The following SGCZ variants were observed in gnomAD, a reference collection of about 807,000 sequenced individuals.
The protein encoded by SGCZ is sarcoglycan zeta.
Under a neutral mutation model 41.3 loss-of-function variants are expected in SGCZ, and 40 were observed. That is an observed-to-expected ratio of 0.97 (90% CI 0.75 to 1.26). SGCZ has a LOEUF of 1.26. Ranked by LOEUF, SGCZ falls within the 50% of genes most tolerant of loss-of-function variation. SGCZ has a pLI of 0.00. For synonymous variants in SGCZ, 206 were observed against 137.5 expected, an observed-to-expected ratio of 1.50 and a Z score of -3.49; for missense variants, 552 against 369.8, an observed-to-expected ratio of 1.49 and a Z score of -4.04.
chr8:14,793,620 G>T (rs1216122411), intron 1 of SGCZ, among the ~76,000 whole-genome samples: 1 of 152,106 alleles, frequency 6.6e-6, no homozygotes, highest in Non-Finnish European at 1.5e-5. Flanking sequence ...TCCTCAAAAT[G>T]TCTGAGATTT....
intron 1 of SGCZ, among the ~76,000 whole-genome samples, chr8:15,093,651 G>C (rs1350990449): frequency 2.0e-5 from 3 of 152,132 alleles, no homozygotes; most frequent in African/African-American, 7.2e-5. Context: ...GGGAATGGTA[G>C]AACATCAACA....
At chr8:15,133,953 T>C (rs1344963929) in intron 1 of SGCZ, among the ~76,000 whole-genome samples, 2 of 152,200 alleles carry the variant, frequency 1.3e-5, no homozygotes, top group African/African-American at 4.8e-5. Flanking sequence ...CTGTTTTTAA[T>C]ATTATCAATG....
intron 1 of SGCZ, among the ~76,000 whole-genome samples, chr8:15,211,693 T>C (rs1395844408): frequency 1.3e-5 from 2 of 152,176 alleles, no homozygotes; most frequent in Admixed American, 1.3e-4. Flanking sequence ...CGCCCGCCTA[T>C]GAATGGGACT....
In SGCZ at chr8:14,556,632, C is replaced by G. The variant is rs554656509; in HGVS notation, c.40-1706G>C. On this transcript the variant is annotated intron_variant, in intron 1 of 7. Transcript: ENST00000382080. ...AGTGCCCAAAGTCCATTGTGTCATT[C>G]TTATTCCTTTGTATCCTCACAGCTT... Among the ~76,000 whole-genome samples, 510 of 152,126 alleles carry G rather than the reference C, an allele frequency of 3.4e-3. 3 individuals carry two copies. The highest frequency in any genetic ancestry group is 0.012 in the African/African-American group (494 of 41,548).
chr8:15,152,519 G>A (rs1799207875), intron 1 of SGCZ, among the ~76,000 whole-genome samples: 2 of 152,196 alleles, frequency 1.3e-5, no homozygotes, highest in Admixed American at 1.3e-4. Flanking sequence ...AACTACAGAT[G>A]TCAAAACAGG....
intron 1 of SGCZ, among the ~76,000 whole-genome samples, chr8:15,143,697 A>T (rs1435006949): frequency 6.6e-6 from 1 of 152,132 alleles, no homozygotes; most frequent in Non-Finnish European, 1.5e-5. Flanking sequence ...TGCATCTCTA[A>T]AGTAAGGTAG....
intron 1 of SGCZ, among the ~76,000 whole-genome samples, chr8:14,660,117 G>A (rs948428130): frequency 2.0e-5 from 3 of 152,052 alleles, no homozygotes; most frequent in Non-Finnish European, 2.9e-5. Flanking sequence ...CCAGAACCAC[G>A]AGACAACAAG....
intron 1 of SGCZ, among the ~76,000 whole-genome samples, chr8:15,069,924 G>T (rs1425748314): frequency 6.6e-6 from 1 of 151,294 alleles, no homozygotes; most frequent in Non-Finnish European, 1.5e-5. Flanking sequence ...TATCTATTAG[G>T]CACAGACACA....
intron 4 of SGCZ, among the ~76,000 whole-genome samples, chr8:14,188,475 A>G (rs1394319022): frequency 2.0e-5 from 3 of 152,192 alleles, no homozygotes; most frequent in African/African-American, 7.2e-5. Context: ...GGTTATATTT[A>G]TATTAAATGC....
At chr8:14,946,327 C>T (rs889155856) in intron 1 of SGCZ, among the ~76,000 whole-genome samples, 3 of 151,454 alleles carry the variant, frequency 2.0e-5, no homozygotes, top group Non-Finnish European at 4.4e-5. Flanking sequence ...CTGCTAGTCT[C>T]GGAGTGGCCA....
At chr8:15,071,929 G>GCAGA (rs2131029360) in intron 1 of SGCZ, among the ~76,000 whole-genome samples, 1 of 152,254 alleles carries the variant, frequency 6.6e-6, no homozygotes, top group East Asian at 1.9e-4. Flanking sequence ...ATAGTCAGAG[G>GCAGA]CAGACAACTT....
intron 1 of SGCZ, among the ~76,000 whole-genome samples, chr8:15,043,957 G>GA (rs914901353): frequency 1.8e-4 from 28 of 152,028 alleles, no homozygotes; most frequent in Non-Finnish European, 3.4e-4. Context: ...GTTCTCTCTG[G>GA]AAAAGAGTTT....
chr8:14,374,425 TTATAAATATGG>T (rs1804032915), intron 2 of SGCZ, among the ~76,000 whole-genome samples: 1 of 152,200 alleles, frequency 6.6e-6, no homozygotes, highest in African/African-American at 2.4e-5. Context: ...GAAAGTTGAT[TTATAAATATGG>T]TAGTAAGAAT....
intron 1 of SGCZ, among the ~76,000 whole-genome samples, chr8:14,733,747 C>T (rs535989861): frequency 2.2e-4 from 34 of 152,254 alleles, no homozygotes; most frequent in Non-Finnish European, 3.8e-4. Flanking sequence ...AACAGTCATA[C>T]ATTTTAAATG....
chr8:14,178,471 T>A (rs1160594976), intron 4 of SGCZ, among the ~76,000 whole-genome samples: 1 of 152,238 alleles, frequency 6.6e-6, no homozygotes, highest in Non-Finnish European at 1.5e-5. Flanking sequence ...ATAATTTAGA[T>A]CCAGCTGTCT....
rs1277387329 is a variant in SGCZ at position 15,064,209 on chromosome 8, C to T, written c.39+173376G>A. On this transcript the variant is annotated intron_variant, in intron 1 of 7. Coordinates refer to ENST00000382080, the MANE Select transcript of SGCZ (RefSeq NM_139167.4). ...CCAAACTCTTGCATCTGAATACTTCCGGGACATAACTATCTATATTTCTCA... is the reference window on the plus strand; with the variant it reads ...CCAAACTCTTGCATCTGAATACTTCTGGGACATAACTATCTATATTTCTCA... 2.0e-5 allele frequency among the ~76,000 whole-genome samples: 3 copies of T among 152,150 alleles called. No homozygotes were observed. The East Asian group carries it at 5.8e-4, about 29-fold the overall frequency.
At chr8:15,041,795 T>C (rs1167034800) in intron 1 of SGCZ, among the ~76,000 whole-genome samples, 2 of 151,196 alleles carry the variant, frequency 1.3e-5, no homozygotes, top group Admixed American at 6.6e-5. Context: ...AACAATTCCA[T>C]TGCAATGAAA....
chr8:14,167,210 T>G (rs1425292501), intron 4 of SGCZ, among the ~76,000 whole-genome samples: 2 of 152,194 alleles, frequency 1.3e-5, no homozygotes, highest in Non-Finnish European at 2.9e-5. Context: ...ACTGATTTTA[T>G]TATATTCTAA....
chr8:14,948,074 AG>A (rs1800511730), intron 1 of SGCZ, among the ~76,000 whole-genome samples: 1 of 152,208 alleles, frequency 6.6e-6, no homozygotes, highest in South Asian at 2.1e-4. Flanking sequence ...CACAGACCAT[AG>A]GAGGTACAGG....
Sources: allele counts gnomAD v4.1 joint callset (sites outside exome capture counted in the v4.1 genomes callset), GRCh38; gene constraint gnomAD v4.1.1; transcripts MANE v1.5; gene names NCBI Gene and HGNC (gene_info 2026-07-23, HGNC 2026-07-21).